The following HPSE2 variants were observed in gnomAD, a reference collection of about 807,000 sequenced individuals.
HPSE2 encodes inactive heparanase-2.
HPSE2 carries 38 observed loss-of-function variants against 60.5 expected under a neutral mutation model. The observed-to-expected ratio is 0.63, with a 90% CI of 0.48 to 0.82. The LOEUF is 0.82. HPSE2 is among the 40% of genes least tolerant of loss of function. The pLI, the probability that HPSE2 is intolerant of heterozygous loss-of-function variation, is 0.00. For synonymous variants in HPSE2, 295 were observed against 293.2 expected (o/e 1.01, Z -0.06); for missense variants, 713 against 740.4 (o/e 0.96, Z 0.43).
chr10:99,073,825 G>T (rs980694898), intron 3 of HPSE2, among the ~76,000 whole-genome samples: 3 of 150,982 alleles, frequency 2.0e-5, no homozygotes, highest in African/African-American at 2.4e-5. Context: ...AAGTAGGATT[G>T]TTTTCTTAAT....
At position 98,614,922 on chromosome 10, in the gene HPSE2, C is replaced by A. The variant is rs368520061; in HGVS notation, c.1302G>T (p.Gln434His). The A allele has an allele frequency of 6.2e-7, 1 of 1,612,780 alleles. No individual in the cohort carries two copies. Among genetic ancestry groups the A allele is most frequent in the Non-Finnish European group, 8.5e-7 (1 of 1,178,754 alleles). The part of the protein sequence containing the change: ...FDHGYNHLVD[Q>H]NFNPLPDYWL... Reference sequence around the variant, plus strand: ...CACTTACTGGTAATGGGTTAAAATTCTGGTCCACGAGGTGATTGTATCCAT... The same window carrying A: ...CACTTACTGGTAATGGGTTAAAATTATGGTCCACGAGGTGATTGTATCCAT... The change falls in exon 9 of 12, where the codon CAG (glutamine) becomes CAT (histidine). Residue 434 changes from glutamine (Q) to histidine (H), a missense_variant. Transcript: ENST00000370552.
At chr10:98,798,910 G>A (rs1950842238) in intron 3 of HPSE2, among the ~76,000 whole-genome samples, 1 of 151,928 alleles carries the variant, frequency 6.6e-6, no homozygotes, top group African/African-American at 2.4e-5. Flanking sequence ...AATGGAAAAT[G>A]GACTAAACTC....
intron 3 of HPSE2, among the ~76,000 whole-genome samples, chr10:98,987,821 A>G (rs1956407071): frequency 6.6e-6 from 1 of 152,110 alleles, no homozygotes; most frequent in South Asian, 2.1e-4. Flanking sequence ...TCAATGTGCA[A>G]AAATCACAAG....
At chr10:99,181,279 T>G (rs1847761554) in intron 2 of HPSE2, among the ~76,000 whole-genome samples, 1 of 148,210 alleles carries the variant, frequency 6.7e-6, no homozygotes, top group Admixed American at 6.7e-5. Context: ...GCGCCTGTAG[T>G]CCCAGCTACT....
chr10:98,927,161 G>T (rs1361165842), intron 3 of HPSE2, among the ~76,000 whole-genome samples: 1 of 151,862 alleles, frequency 6.6e-6, no homozygotes, highest in African/African-American at 2.4e-5. Flanking sequence ...GGGTATCCTT[G>T]TTGACTTTCT....
intron 9 of HPSE2, among the ~76,000 whole-genome samples, chr10:98,596,338 T>TTTTG (rs1945238102): frequency 6.6e-6 from 1 of 152,092 alleles, no homozygotes; most frequent in African/African-American, 2.4e-5. Context: ...TTTTTAGTAG[T>TTTTG]TTTTTAATCT....
chr10:98,723,408 T>C (rs1464435130), intron 4 of HPSE2, among the ~76,000 whole-genome samples: 1 of 152,152 alleles, frequency 6.6e-6, no homozygotes, highest in Non-Finnish European at 1.5e-5. Context: ...TCATCAGGGA[T>C]ATTGGTCTAA....
chr10:98,983,916 G>C (rs1024935163), intron 3 of HPSE2, among the ~76,000 whole-genome samples: 4 of 152,170 alleles, frequency 2.6e-5, no homozygotes, highest in Non-Finnish European at 5.9e-5. Flanking sequence ...GTCTGAGATC[G>C]AACTGCAAGG....
intron 9 of HPSE2, among the ~76,000 whole-genome samples, chr10:98,586,758 A>C (rs896668114): frequency 9.8e-5 from 15 of 152,312 alleles, no homozygotes; most frequent in South Asian, 4.1e-4. Context: ...GGTGGGATTC[A>C]ATGTTATATA....
At chr10:99,310,880 C>T in the HPSE2 span, among the ~76,000 whole-genome samples, 2 of 152,178 alleles carry the variant, frequency 1.3e-5, no homozygotes, top group Admixed American at 6.5e-5. Flanking sequence ...CTGTCTGCCT[C>T]GGCCTCCCAA....
At chr10:98,622,847 C>CCCAA (rs1001931082) in intron 7 of HPSE2, among the ~76,000 whole-genome samples, 28 of 152,130 alleles carry the variant, frequency 1.8e-4, no homozygotes, top group African/African-American at 6.7e-4. Flanking sequence ...ACTGTTCATG[C>CCCAA]CCAACTCAAG....
At chr10:98,551,781 C>T (rs1176345160) in intron 9 of HPSE2, among the ~76,000 whole-genome samples, 2 of 152,150 alleles carry the variant, frequency 1.3e-5, no homozygotes, top group Non-Finnish European at 2.9e-5. Flanking sequence ...GAGTTGGTTA[C>T]TGTTGCTTAC....
chr10:99,182,375 C>T (rs975516432), intron 2 of HPSE2, among the ~76,000 whole-genome samples: 5 of 152,120 alleles, frequency 3.3e-5, no homozygotes, highest in African/African-American at 4.8e-5. Flanking sequence ...ACCTTGTTTG[C>T]GGTAGATCCA....
chr10:98,736,213 G>GATT (rs1949354028), intron 4 of HPSE2, among the ~76,000 whole-genome samples: 2 of 149,374 alleles, frequency 1.3e-5, no homozygotes, highest in Non-Finnish European at 3.0e-5. Flanking sequence ...CTTTTGCTTG[G>GATT]TTTTTTTTTT....
intron 3 of HPSE2, among the ~76,000 whole-genome samples, chr10:99,011,299 T>C (rs1957008246): frequency 6.6e-6 from 1 of 152,204 alleles, no homozygotes; most frequent in Admixed American, 6.6e-5. Flanking sequence ...ATATTGAGTA[T>C]TTCACATTTT....
chr10:98,617,051 G>A (rs756878399), intron 8 of HPSE2, among the ~76,000 whole-genome samples: 6 of 152,168 alleles, frequency 3.9e-5, no homozygotes, highest in Non-Finnish European at 7.3e-5. Flanking sequence ...TATTTTAAAA[G>A]CAAATTGTCT....
In HPSE2 at chr10:98,930,722, G is replaced by T. The variant is rs1380209655; in HGVS notation, c.611-186666C>A. Among the ~76,000 whole-genome samples the T allele has an allele frequency of 2.1e-5, 3 of 142,088 alleles. 1 individual carries two copies. Among genetic ancestry groups the T allele is most frequent in the African/African-American group, 8.5e-5 (3 of 35,348 alleles). 93.2% of individuals were successfully genotyped at this position (142,088 alleles called of 152,430 possible). ...ATCTCACTGTGGTTTTGATTTCTCT[G>T]TGATGTTGAGCTGTTTTTCATGTGT... On this transcript the variant is annotated intron_variant, in intron 3 of 11. Transcript: ENST00000370552.
intron 3 of HPSE2, among the ~76,000 whole-genome samples, chr10:99,006,524 T>C (rs2135387991): frequency 6.6e-6 from 1 of 152,276 alleles, no homozygotes; most frequent in Middle Eastern, 3.4e-3. Context: ...TGGGCTATCA[T>C]GGCTCCAGGC....
Position 98,782,965 on chromosome 10 carries a change from G to C in HPSE2, c.611-38909C>G, listed in dbSNP as rs1378208181. 4.5e-4 allele frequency among the ~76,000 whole-genome samples: 42 copies of C among 94,284 alleles called. 1 individual carries two copies. The highest frequency in any genetic ancestry group is 1.1e-3 in the Admixed American group (9 of 8,432). 61.9% of individuals were successfully genotyped at this position (94,284 alleles called of 152,430 possible). On this transcript the variant is annotated intron_variant, in intron 3 of 11. Coordinates refer to ENST00000370552, the MANE Select transcript of HPSE2 (RefSeq NM_021828.5). Reference sequence around the variant, plus strand: ...TGTTTTTTTTTTTATTATACTCTAAGTTTTAGGGAACATGTGCACATTGTG... The same window carrying C: ...TGTTTTTTTTTTTATTATACTCTAACTTTTAGGGAACATGTGCACATTGTG...
Sources: gnomAD v4.1 joint callset for allele counts (sites outside exome capture counted in the v4.1 genomes callset) on GRCh38, gnomAD v4.1.1 for gene constraint, MANE v1.5 for transcripts, NCBI Gene and HGNC (gene_info 2026-07-23, HGNC 2026-07-21) for gene names.